Variants in ANO3 observed in about 807,000 individuals in gnomAD.
ANO3 encodes anoctamin-3.
A neutral mutation model predicts 144.8 loss-of-function variants in ANO3; 99 were observed. That is an observed-to-expected ratio of 0.68 (90% CI 0.58 to 0.81). The LOEUF (loss-of-function observed/expected upper bound fraction) is 0.81, where lower values mean the gene tolerates loss of function less well. ANO3 is among the 30% of genes least tolerant of loss of function. ANO3 has a pLI of 0.00. For synonymous variants in ANO3, 414 were observed against 392.6 expected (o/e 1.05, Z -0.64); for missense variants, 905 against 1,202.2 (o/e 0.75, Z 3.66).
chr11:26,639,068 A>G (rs1853059742), intron 20 of ANO3, 76 bp from the exon 21 acceptor site: 2 of 998,280 alleles, frequency 2.0e-6, no homozygotes, highest in Non-Finnish European at 3.2e-6. Flanking sequence ...AATTTGCTGT[A>G]CAATTTAATG....
chr11:26,632,887 A>G (rs1852831614), intron 18 of ANO3, among the ~76,000 whole-genome samples: 1 of 152,204 alleles, frequency 6.6e-6, no homozygotes, highest in Admixed American at 6.5e-5. Context: ...TTAATGAACT[A>G]AATTTGTAAA....
At chr11:26,201,904 T>C (rs1417942240) in intron 1 of ANO3, among the ~76,000 whole-genome samples, 1 of 151,726 alleles carries the variant, frequency 6.6e-6, no homozygotes, top group Non-Finnish European at 1.5e-5. Flanking sequence ...AACATATAGC[T>C]ATCAAATGGA....
intron 4 of ANO3, among the ~76,000 whole-genome samples, chr11:26,479,423 G>A (rs779873775): frequency 6.6e-6 from 1 of 152,176 alleles, no homozygotes; most frequent in Non-Finnish European, 1.5e-5. Context: ...AAAGGAAAGA[G>A]GTTTAATGGA....
chr11:26,327,650 T>C (rs938215219), upstream of ANO3, among the ~76,000 whole-genome samples: 12 of 152,162 alleles, frequency 7.9e-5, no homozygotes, highest in African/African-American at 2.7e-4. Flanking sequence ...GCAGTGAACA[T>C]GGACTTGATG....
At chr11:26,192,280 T>C (rs995887879) in intron 1 of ANO3, among the ~76,000 whole-genome samples, 1 of 152,208 alleles carries the variant, frequency 6.6e-6, no homozygotes, top group Non-Finnish European at 1.5e-5. Context: ...GTTTTATTTA[T>C]TCATTCATAA....
At chr11:26,526,712 A>G (rs574681168) in intron 7 of ANO3, among the ~76,000 whole-genome samples, 1 of 152,250 alleles carries the variant, frequency 6.6e-6, no homozygotes, top group Non-Finnish European at 1.5e-5. Context: ...AAAACTTGAA[A>G]TTAGAATGAA....
chr11:26,195,220 G>A (rs1305908995), intron 1 of ANO3, among the ~76,000 whole-genome samples: 1 of 152,154 alleles, frequency 6.6e-6, no homozygotes, highest in Admixed American at 6.5e-5. Context: ...GTCTTAATGA[G>A]GTCAGTAATT....
At chr11:26,242,265 GT>G (rs1852679546) in intron 1 of ANO3, among the ~76,000 whole-genome samples, 1 of 152,078 alleles carries the variant, frequency 6.6e-6, no homozygotes, top group African/African-American at 2.4e-5. Flanking sequence ...TTTACATAAT[GT>G]AATATGCACT....
intron 1 of ANO3, among the ~76,000 whole-genome samples, chr11:26,311,566 C>T (rs922066766): frequency 6.6e-6 from 1 of 152,204 alleles, no homozygotes; most frequent in Admixed American, 6.5e-5. Context: ...GGTCACCCAA[C>T]TTCTGTGTGT....
chr11:26,492,975 A>C (rs1044881293), intron 4 of ANO3, among the ~76,000 whole-genome samples: 17 of 152,202 alleles, frequency 1.1e-4, no homozygotes, highest in Admixed American at 1.1e-3. Context: ...AGAAAGAAAA[A>C]GCTAAGGTAA....
chr11:26,278,254 T>C (rs1248148514), intron 1 of ANO3, among the ~76,000 whole-genome samples: 2 of 152,148 alleles, frequency 1.3e-5, no homozygotes, highest in Non-Finnish European at 2.9e-5. Flanking sequence ...TGAAGACCCT[T>C]GCTCATTTTC....
At chr11:26,305,403 T>C (rs1854357963), upstream of ANO3, among the ~76,000 whole-genome samples, 1 of 152,146 alleles carries the variant, frequency 6.6e-6, no homozygotes, top group Non-Finnish European at 1.5e-5. Flanking sequence ...CCTTTGATGA[T>C]ATTGGCACCC....
At chr11:26,646,014 C>A (rs1262116734) in intron 23 of ANO3, among the ~76,000 whole-genome samples, 1 of 152,158 alleles carries the variant, frequency 6.6e-6, no homozygotes, top group Admixed American at 6.6e-5. Flanking sequence ...AGCCAGACAA[C>A]ACGAAAGTGT....
intron 1 of ANO3, among the ~76,000 whole-genome samples, chr11:26,247,751 CG>C (rs1852830247): frequency 4.4e-5 from 2 of 45,966 alleles, no homozygotes; most frequent in South Asian, 1.6e-3. Context: ...TTTTTTGAGA[CG>C]GAGTCTCACA....
intron 1 of ANO3, among the ~76,000 whole-genome samples, chr11:26,289,581 CTATATGTGTG>C (rs1853895096): frequency 1.0e-5 from 1 of 95,924 alleles, no homozygotes; most frequent in African/African-American, 5.6e-5. Flanking sequence ...CACATATATC[CTATATGTGTG>C]TATATGTACA....
intron 1 of ANO3, among the ~76,000 whole-genome samples, chr11:26,322,696 A>G (rs1389467831): frequency 3.9e-5 from 6 of 152,096 alleles, no homozygotes; most frequent in Admixed American, 1.3e-4. Context: ...AATTAGATTT[A>G]TGGCTGTTGA....
intron 10 of ANO3, among the ~76,000 whole-genome samples, chr11:26,540,501 C>A (rs2134202896): frequency 6.6e-6 from 1 of 152,220 alleles, no homozygotes; most frequent in East Asian, 1.9e-4. Flanking sequence ...AAGAAACTAT[C>A]ATCAGAGTGA....
intron 1 of ANO3, among the ~76,000 whole-genome samples, chr11:26,194,598 G>A (rs1022793853): frequency 1.3e-5 from 2 of 151,622 alleles, no homozygotes; most frequent in Admixed American, 1.3e-4. Flanking sequence ...CCTCCCGGGT[G>A]CAAGGAATTC....
chr11:26,475,708 A>G (rs564340879), intron 4 of ANO3, among the ~76,000 whole-genome samples: 145 of 152,216 alleles, frequency 9.5e-4, no homozygotes, highest in African/African-American at 3.4e-3. Context: ...TGTCTATCAT[A>G]AAAGTAAATT....
Sources: allele counts gnomAD v4.1 joint callset (sites outside exome capture counted in the v4.1 genomes callset), GRCh38; gene constraint gnomAD v4.1.1; transcripts MANE v1.5; gene names NCBI Gene and HGNC (gene_info 2026-07-23, HGNC 2026-07-21).